RALGAPA1: variants seen among roughly 807,000 people sequenced by gnomAD.
RALGAPA1 encodes ral GTPase-activating protein subunit alpha-1.
Under a neutral mutation model 269.6 loss-of-function variants are expected in RALGAPA1, and 52 were observed. That is an observed-to-expected ratio of 0.19 (90% CI 0.15 to 0.24). RALGAPA1 has a LOEUF of 0.24. RALGAPA1 is among the 10% of genes least tolerant of loss of function. The pLI is 1.00. For synonymous variants in RALGAPA1, 817 were observed against 1,008.3 expected, an observed-to-expected ratio of 0.81 and a Z score of 3.60; for missense variants, 1,917 against 3,013.9, an observed-to-expected ratio of 0.64 and a Z score of 8.52.
intron 31 of RALGAPA1, among the ~76,000 whole-genome samples, chr14:35,643,311 C>T (rs1020786848): frequency 2.0e-5 from 3 of 151,784 alleles, no homozygotes; most frequent in Non-Finnish European, 4.4e-5. Context: ...TGCACATGTA[C>T]CCTAGAACTT....
chr14:35,754,067 A>G (rs561234364), intron 7 of RALGAPA1, among the ~76,000 whole-genome samples: 2 of 152,326 alleles, frequency 1.3e-5, no homozygotes, highest in African/African-American at 4.8e-5. Flanking sequence ...TCAAAGGATT[A>G]AAGTCAACAT....
intron 16 of RALGAPA1, among the ~76,000 whole-genome samples, chr14:35,714,198 C>T (rs1311955630): frequency 6.6e-6 from 1 of 151,874 alleles, no homozygotes; most frequent in East Asian, 1.9e-4. Context: ...TTTAAAGGAA[C>T]TGATTTCGAG....
At chr14:35,625,473 G>T in intron 34 of RALGAPA1, 41 bp from the exon 35 acceptor site, 1 of 1,427,088 alleles carries the variant, frequency 7.0e-7, no homozygotes, top group Non-Finnish European at 9.7e-7. Context: ...CACCTTTGCA[G>T]TGAATGACAA....
At chr14:35,719,999 G>A (rs529330875) in intron 16 of RALGAPA1, among the ~76,000 whole-genome samples, 4 of 152,216 alleles carry the variant, frequency 2.6e-5, no homozygotes, top group East Asian at 1.9e-4. Flanking sequence ...TGATCTGCCC[G>A]CCTTGGCCTC....
At chr14:35,698,687 A>G (rs2067096751) in intron 17 of RALGAPA1, among the ~76,000 whole-genome samples, 2 of 152,166 alleles carry the variant, frequency 1.3e-5, no homozygotes, top group Admixed American at 6.5e-5. Flanking sequence ...AAAAGCTAGG[A>G]GCAAAAAATG....
intron 37 of RALGAPA1, among the ~76,000 whole-genome samples, chr14:35,582,261 T>C (rs1324150999): frequency 2.6e-5 from 4 of 152,150 alleles, no homozygotes; most frequent in Admixed American, 6.5e-5. Context: ...AAGTTGCTGT[T>C]TGAAAATTTA....
At chr14:35,582,165 G>C (rs890493414) in intron 37 of RALGAPA1, among the ~76,000 whole-genome samples, 12 of 152,296 alleles carry the variant, frequency 7.9e-5, no homozygotes, top group African/African-American at 2.9e-4. Context: ...GAGGTTCCTA[G>C]AACTGGCAAA....
chr14:35,671,950 C>G (rs2140248293), intron 25 of RALGAPA1, among the ~76,000 whole-genome samples: 1 of 152,260 alleles, frequency 6.6e-6, no homozygotes, highest in South Asian at 2.1e-4. Flanking sequence ...AACTGAAGTC[C>G]TTTAATGATA....
At chr14:35,715,337 T>C (rs2068718665) in intron 16 of RALGAPA1, among the ~76,000 whole-genome samples, 1 of 151,168 alleles carries the variant, frequency 6.6e-6, no homozygotes, top group African/African-American at 2.4e-5. Flanking sequence ...CTTAATATTG[T>C]TTTTTTTTCT....
At chr14:35,759,102 C>T (rs2073454771) in intron 6 of RALGAPA1, among the ~76,000 whole-genome samples, 1 of 152,100 alleles carries the variant, frequency 6.6e-6, no homozygotes, top group Admixed American at 6.5e-5. Context: ...CACTCAAAAA[C>T]AAAACGCAAC....
At chr14:35,725,899 G>A (rs967127015) in intron 13 of RALGAPA1, among the ~76,000 whole-genome samples, 2 of 151,972 alleles carry the variant, frequency 1.3e-5, no homozygotes, top group African/African-American at 2.4e-5. Flanking sequence ...TGTCTGTACT[G>A]CAAGTTAAAC....
At chr14:35,549,019 T>A in intron 40 of RALGAPA1, 91 bp downstream of exon 40, 1 of 1,391,400 alleles carries the variant, frequency 7.2e-7, no homozygotes, top group Non-Finnish European at 9.9e-7. Flanking sequence ...ATTTCAATGA[T>A]TAGAATTTTT....
Position 35,700,257 on chromosome 14 carries a change from T to C in RALGAPA1, c.2312A>G (p.Tyr771Cys), listed in dbSNP as rs1404902042. ...SIGECALPSAYIRSAKSAPVL... is the reference protein window; with the variant it reads ...SIGECALPSACIRSAKSAPVL... ...AGGAGCACTTTTAGCACTGCGTATATAGGCCGATGGCAGAGCACATTCACC... is the reference window on the plus strand; with the variant it reads ...AGGAGCACTTTTAGCACTGCGTATACAGGCCGATGGCAGAGCACATTCACC... The change falls in exon 17 of 42, where the codon TAT becomes TGT. Residue 771 changes from tyrosine (Y) to cysteine (C), a missense_variant. Physicochemically the swap from Tyr to Cys is radical, Grantham distance 194 (BLOSUM62 -2). This residue lies in a region of RALGAPA1 where 125 missense variants were observed against 155.7 expected (regional missense o/e 0.80). Transcript: ENST00000680220. 1.4e-5 allele frequency: 21 copies of C among 1,534,848 alleles called. No homozygotes were observed. Among genetic ancestry groups the C allele is most frequent in the South Asian group, 2.4e-5 (2 of 83,804 alleles).
intron 24 of RALGAPA1, among the ~76,000 whole-genome samples, chr14:35,673,457 G>C (rs983425052): frequency 6.6e-6 from 1 of 152,152 alleles, no homozygotes; most frequent in Admixed American, 6.5e-5. Context: ...TACTTGGAAG[G>C]CTGAAGTGGG....
Position 35,643,899 on chromosome 14 carries a change from G to A in RALGAPA1, c.5676+7906C>T, listed in dbSNP as rs182476545. 9.7e-4 allele frequency among the ~76,000 whole-genome samples: 148 copies of A among 152,226 alleles called. 2 individuals are homozygous for A. Among genetic ancestry groups the A allele is most frequent in the Admixed American group, 5.6e-3 (86 of 15,296 alleles). On this transcript the variant is annotated intron_variant, in intron 31 of 41. Transcript: ENST00000680220. ...TACCAGAGACTGGGAAGGGCAGTGG[G>A]GAGTATGGGGTAAGTGGGGATGGTT...
chr14:35,573,967 A>G (rs1433048108), intron 37 of RALGAPA1, among the ~76,000 whole-genome samples: 1 of 152,240 alleles, frequency 6.6e-6, no homozygotes, highest in Non-Finnish European at 1.5e-5. Flanking sequence ...GGGATGATCC[A>G]ATCTAATTTT....
chr14:35,650,683 A>G (rs1327367895), intron 31 of RALGAPA1, among the ~76,000 whole-genome samples: 1 of 152,202 alleles, frequency 6.6e-6, no homozygotes, highest in African/African-American at 2.4e-5. Flanking sequence ...GATTTCTGTA[A>G]ATTAATAAGA....
chr14:35,691,364 T>C (rs2066466829), intron 17 of RALGAPA1, among the ~76,000 whole-genome samples: 2 of 151,962 alleles, frequency 1.3e-5, no homozygotes, highest in South Asian at 4.1e-4. Context: ...GTCTGTAAGT[T>C]ACCTAGAAAT....
chr14:35,604,911 C>T (rs1238764954), intron 36 of RALGAPA1, among the ~76,000 whole-genome samples: 2 of 152,078 alleles, frequency 1.3e-5, no homozygotes, highest in East Asian at 3.8e-4. Flanking sequence ...TATACAAATC[C>T]TTATGACAAA....
Sources: allele counts gnomAD v4.1 joint callset (sites outside exome capture counted in the v4.1 genomes callset), GRCh38; gene constraint gnomAD v4.1.1; regional missense constraint gnomAD v4.1.1; transcripts MANE v1.5; gene names NCBI Gene and HGNC (gene_info 2026-07-23, HGNC 2026-07-21).